The following CSNK1G1 variants were observed in gnomAD, a reference collection of about 807,000 sequenced individuals.
CSNK1G1 encodes casein kinase I isoform gamma-1.
In CSNK1G1, 22 loss-of-function variants were observed where a neutral mutation model predicts 59.6. The observed-to-expected ratio is 0.37, with a 90% CI of 0.26 to 0.53. The LOEUF is 0.53. Ranked by LOEUF, CSNK1G1 falls within the 20% of genes least tolerant of loss-of-function variation. CSNK1G1 has a pLI of 0.89. For synonymous variants in CSNK1G1, 179 were observed against 177.1 expected (o/e 1.01, Z -0.08); for missense variants, 384 against 519.5 (o/e 0.74, Z 2.54).
chr15:64,228,630 G>A (rs373717584), intron 4 of CSNK1G1, among the ~76,000 whole-genome samples: 173 of 152,108 alleles, frequency 1.1e-3, no homozygotes, highest in Non-Finnish European at 1.9e-3. Flanking sequence ...GCAAGACTCC[G>A]TCTCAAAAAA....
At chr15:64,224,157 T>A (rs897766806) in intron 4 of CSNK1G1, among the ~76,000 whole-genome samples, 1 of 152,236 alleles carries the variant, frequency 6.6e-6, no homozygotes, top group African/African-American at 2.4e-5. Flanking sequence ...ATTCTTTTGC[T>A]TTGTTTATAT....
rs553688915 is a variant in CSNK1G1, at chr15:64,176,811, G to T, written c.1214+3537C>A. Among the ~76,000 whole-genome samples the T allele has an allele frequency of 4.6e-5, 7 of 152,324 alleles. No homozygotes were observed. In the South Asian group the frequency reaches 1.5e-3, roughly 32 times the overall value. On this transcript the variant is annotated intron_variant, in intron 11 of 11. Transcript: ENST00000303052. This position sits in a 1 kb window ranked among gnomAD's most constrained non-coding sequence, Gnocchi z 5.2. Reference sequence around the variant, plus strand: ...CTCTTCCTCTAGAGAGGGAGAAAAGGTTTAAGCGACACTTACTTTATCTTA... The same window carrying T: ...CTCTTCCTCTAGAGAGGGAGAAAAGTTTTAAGCGACACTTACTTTATCTTA...
At chr15:64,277,778 ATAATATATTAATATTGATATATT>A (rs1566930294) in intron 2 of CSNK1G1, among the ~76,000 whole-genome samples, 32 of 113,500 alleles carry the variant, frequency 2.8e-4, no homozygotes, top group Admixed American at 1.4e-3. Context: ...GATATATTTA[ATAATATATTAATATTGATATATT>A]TAATATATTA....
At chr15:64,278,429 TA>T (rs1389169098) in intron 2 of CSNK1G1, among the ~76,000 whole-genome samples, 2,882 of 120,376 alleles carry the variant, frequency 0.024, 35 homozygotes, top group South Asian at 0.045. Context: ...TATATATATA[TA>T]TATTTTTTTT....
intron 10 of CSNK1G1, among the ~76,000 whole-genome samples, chr15:64,183,080 C>T (rs2081840880): frequency 2.6e-5 from 4 of 152,256 alleles, no homozygotes; most frequent in Admixed American, 1.3e-4. Flanking sequence ...CTAGACAAGA[C>T]GTTAAATAAA....
chr15:64,290,555 A>C (rs1479100760), intron 2 of CSNK1G1, among the ~76,000 whole-genome samples: 3 of 152,168 alleles, frequency 2.0e-5, no homozygotes, highest in African/African-American at 4.8e-5. Flanking sequence ...CAGAGTGTGG[A>C]ATAATAGACA....
rs1219377322 is a variant in CSNK1G1, at chr15:64,170,494, AG to A, written c.*1436del. 3 of 152,670 alleles carry A rather than the reference AG, an allele frequency of 2.0e-5. No homozygotes were observed. The highest frequency in any genetic ancestry group is 4.4e-5 in the Non-Finnish European group (3 of 68,070). 9.5% of individuals were successfully genotyped at this position (152,670 alleles called of 1,614,324 possible). On this transcript the variant is annotated 3_prime_UTR_variant, in exon 12 of 12. Coordinates refer to ENST00000303052, the MANE Select transcript of CSNK1G1 (RefSeq NM_022048.5). ...CTACTGCTATGGACCTGCTGGGAGAAGATCTTCATAAGCTTGGTTTCTGATA... is the reference window on the plus strand; with the variant it reads ...CTACTGCTATGGACCTGCTGGGAGAAATCTTCATAAGCTTGGTTTCTGATA...
In CSNK1G1 at chr15:64,176,141, G is replaced by A. The variant is rs1040399036; in HGVS notation, c.1215-4156C>T. 1 of 397,956 alleles carries A rather than the reference G, an allele frequency of 2.5e-6. No homozygotes were observed. The allele number at this position is 397,956 out of a possible 1,614,324, so 24.7% of individuals were successfully genotyped here. ...TGGATCTAGATCCCCAGTCAGGGTG[G>A]TTATGGCACAAGGAGTCCTATGGAA... On this transcript the variant is annotated intron_variant, in intron 11 of 11. Transcript: ENST00000303052. This position sits in a 1 kb window ranked among gnomAD's most constrained non-coding sequence, Gnocchi z 5.2.
chr15:64,335,746 C>G (rs1897355468), intron 1 of CSNK1G1: 1 of 152,134 alleles, frequency 6.6e-6, no homozygotes, highest in African/African-American at 2.4e-5. Flanking sequence ...TTCTGTTGAT[C>G]AAGAAAATAC....
At chr15:64,351,055 G>A (rs1034952245) in intron 1 of CSNK1G1, among the ~76,000 whole-genome samples, 3 of 151,938 alleles carry the variant, frequency 2.0e-5, no homozygotes, top group Admixed American at 1.3e-4. Context: ...AACCACTGAA[G>A]CAGTTTCTAT....
Position 64,204,932 on chromosome 15 carries a change from C to T in CSNK1G1, c.783G>A (p.Glu261=), listed in dbSNP as rs1481153082. 5 of 1,604,290 alleles carry T rather than the reference C, an allele frequency of 3.1e-6. No homozygotes were observed. The highest frequency in any genetic ancestry group is 1.7e-5 in the Admixed American group (1 of 59,990). Residue 261 remains glutamate, a synonymous_variant, in exon 8 of 12, where the codon GAG becomes GAA. Transcript: ENST00000303052. ...WQGLKADTLK[E]RYQKIGDTKR... ...TGGTGTCACCAATTTTTTGATATCTCTCTTTTAATGTGTCAGCCTGTAGAG... is the reference window on the plus strand; with the variant it reads ...TGGTGTCACCAATTTTTTGATATCTTTCTTTTAATGTGTCAGCCTGTAGAG...
At chr15:64,174,630 A>G (rs752317822) in intron 11 of CSNK1G1, among the ~76,000 whole-genome samples, 214 of 152,334 alleles carry the variant, frequency 1.4e-3, no homozygotes, top group Non-Finnish European at 2.6e-3. Flanking sequence ...AGTTCTCAAC[A>G]TGCTGGAGTC....
intron 10 of CSNK1G1, among the ~76,000 whole-genome samples, chr15:64,198,170 T>TACTTGGTA (rs2082060249): frequency 1.3e-5 from 2 of 150,702 alleles, no homozygotes; most frequent in South Asian, 4.2e-4. Context: ...AAGGACTCCC[T>TACTTGGTA]ACTTGGTATC....
chr15:64,314,409 A>T (rs1555403069), intron 1 of CSNK1G1, among the ~76,000 whole-genome samples: 2 of 151,992 alleles, frequency 1.3e-5, no homozygotes, highest in Non-Finnish European at 1.5e-5. Context: ...GTAATGTTAT[A>T]ATTTATGAAT....
At chr15:64,348,803 A>C (rs1271165069) in intron 1 of CSNK1G1, among the ~76,000 whole-genome samples, 1 of 152,178 alleles carries the variant, frequency 6.6e-6, no homozygotes, top group African/African-American at 2.4e-5. Context: ...ATTTCACATC[A>C]TTCATTATGG....
chr15:64,312,522 T>C (rs1896050249), intron 1 of CSNK1G1, among the ~76,000 whole-genome samples: 1 of 152,194 alleles, frequency 6.6e-6, no homozygotes, highest in Non-Finnish European at 1.5e-5. Context: ...CCCTATTTAA[T>C]AAATGGTGTT....
intron 1 of CSNK1G1, among the ~76,000 whole-genome samples, chr15:64,324,024 A>C (rs1461035012): frequency 6.6e-6 from 1 of 152,228 alleles, no homozygotes; most frequent in Non-Finnish European, 1.5e-5. Flanking sequence ...CTGTTACTAT[A>C]ATTCTCACTT....
At position 64,295,003 on chromosome 15, in the gene CSNK1G1, G is replaced by A. The variant is rs149716581; in HGVS notation, c.181+5316C>T. ...TCCCAGCACTTTGGGAGGCCGAGGT[G>A]GGTAGATCACAAGGTCAGGAGATCA... On this transcript the variant is annotated intron_variant, in intron 2 of 11. Coordinates refer to ENST00000303052, the MANE Select transcript of CSNK1G1 (RefSeq NM_022048.5). Among the ~76,000 whole-genome samples, 1,259 of 151,830 alleles carry A rather than the reference G, an allele frequency of 8.3e-3. 17 individuals carry two copies. Among genetic ancestry groups the A allele is most frequent in the African/African-American group, 0.029 (1,203 of 41,358 alleles).
intron 1 of CSNK1G1, among the ~76,000 whole-genome samples, chr15:64,324,170 C>T (rs769286271): frequency 1.5e-4 from 23 of 152,340 alleles, no homozygotes; most frequent in Middle Eastern, 3.4e-3. Context: ...ATAAACACTA[C>T]ACTGATTACC....
Sources: gnomAD v4.1 joint callset for allele counts (sites outside exome capture counted in the v4.1 genomes callset) on GRCh38, gnomAD v4.1.1 for gene constraint, Gnocchi (gnomAD v3.1) non-coding constraint, MANE v1.5 for transcripts, NCBI Gene and HGNC (gene_info 2026-07-23, HGNC 2026-07-21) for gene names.